FRMD4A: variants seen among roughly 807,000 people sequenced by gnomAD.
The protein encoded by FRMD4A is FERM domain-containing protein 4A.
In FRMD4A, 29 loss-of-function variants were observed where a neutral mutation model predicts 129.1. That is an observed-to-expected ratio of 0.22 (90% CI 0.17 to 0.31). The LOEUF (loss-of-function observed/expected upper bound fraction) is 0.31, where lower values mean the gene tolerates loss of function less well. Ranked by LOEUF, FRMD4A falls within the 10% of genes least tolerant of loss-of-function variation. The pLI is 1.00. For missense variants in FRMD4A, 1,272 were observed against 1,375.8 expected (o/e 0.92, Z 1.19); for synonymous variants, 634 against 571.6 (o/e 1.11, Z -1.56).
chr10:14,182,746 T>C (rs1051127180), intron 2 of FRMD4A, among the ~76,000 whole-genome samples: 15 of 152,168 alleles, frequency 9.9e-5, no homozygotes, highest in Non-Finnish European at 1.8e-4. Context: ...AGGTTACCAG[T>C]GTGAAGAGTA....
At chr10:14,289,624 A>G (rs1246841345) in intron 2 of FRMD4A, among the ~76,000 whole-genome samples, 1 of 152,140 alleles carries the variant, frequency 6.6e-6, no homozygotes, top group Non-Finnish European at 1.5e-5. Context: ...TTACCTCAAC[A>G]CAATAAAGTC....
At chr10:14,094,717 G>C (rs1425483329) in intron 2 of FRMD4A, among the ~76,000 whole-genome samples, 1 of 152,174 alleles carries the variant, frequency 6.6e-6, no homozygotes, top group East Asian at 1.9e-4. Flanking sequence ...ACTCTGTTCT[G>C]TCCAGGTTCT....
At chr10:14,268,287 C>T (rs1472537090) in intron 2 of FRMD4A, among the ~76,000 whole-genome samples, 1 of 152,162 alleles carries the variant, frequency 6.6e-6, no homozygotes, top group Non-Finnish European at 1.5e-5. Context: ...ATAAATGTTA[C>T]GTAGCAAAAG....
intron 15 of FRMD4A, chr10:13,692,668 G>C (rs1006717074): frequency 7.2e-5 from 11 of 152,146 alleles, no homozygotes; most frequent in African/African-American, 2.7e-4. Context: ...TCCTGGCTAT[G>C]ATTGGATCAC....
At chr10:13,763,136 C>T (rs1196940727) in intron 6 of FRMD4A, among the ~76,000 whole-genome samples, 1 of 152,140 alleles carries the variant, frequency 6.6e-6, no homozygotes, top group Admixed American at 6.5e-5. Context: ...CTGGGATGGA[C>T]TAGGGGACCT....
rs573272223 is a variant in FRMD4A, at chr10:13,942,769, C to T, written c.46-83857G>A. Reference sequence around the variant, plus strand: ...CCAACATGGTGAAACCCTGCCTCTACAAAAAATACAAAAATTAGCTGGGCG... The same window carrying T: ...CCAACATGGTGAAACCCTGCCTCTATAAAAAATACAAAAATTAGCTGGGCG... On this transcript the variant is annotated intron_variant, in intron 2 of 24. Coordinates refer to ENST00000357447, the MANE Select transcript of FRMD4A (RefSeq NM_018027.5). Among the ~76,000 whole-genome samples the T allele has an allele frequency of 5.9e-5, 9 of 151,952 alleles. 1 individual carries two copies. Among genetic ancestry groups the T allele is most frequent in the African/African-American group, 1.9e-4 (8 of 41,490 alleles).
intron 12 of FRMD4A, among the ~76,000 whole-genome samples, chr10:13,733,367 C>T (rs776979089): frequency 2.6e-5 from 4 of 152,178 alleles, no homozygotes; most frequent in Non-Finnish European, 5.9e-5. Flanking sequence ...GACATCTTAG[C>T]GGGGTGGGGG....
intron 2 of FRMD4A, among the ~76,000 whole-genome samples, chr10:14,119,599 T>G (rs1838386930): frequency 6.6e-6 from 1 of 152,164 alleles, no homozygotes; most frequent in African/African-American, 2.4e-5. Flanking sequence ...GCATGCAGAA[T>G]GTCAGGATCT....
At chr10:14,122,058 A>C (rs1186789083) in intron 2 of FRMD4A, among the ~76,000 whole-genome samples, 6 of 152,224 alleles carry the variant, frequency 3.9e-5, no homozygotes, top group Non-Finnish European at 7.3e-5. Context: ...TGTTAGAGAG[A>C]CTTAGGTTCT....
intron 2 of FRMD4A, among the ~76,000 whole-genome samples, chr10:14,238,329 ATGAGTCCAGGCC>A (rs1843905600): frequency 6.6e-6 from 1 of 152,194 alleles, no homozygotes; most frequent in Admixed American, 6.5e-5. Flanking sequence ...AGTCCAGGTA[ATGAGTCCAGGCC>A]TGAGTCTTAA....
intron 2 of FRMD4A, among the ~76,000 whole-genome samples, chr10:14,240,370 A>G (rs538819292): frequency 3.9e-5 from 6 of 152,136 alleles, no homozygotes; most frequent in Non-Finnish European, 8.8e-5. Flanking sequence ...TGGCATTCTC[A>G]GCACATGTGT....
At position 14,245,500 on chromosome 10, in the gene FRMD4A, G is replaced by T. The variant is rs1013596680; in HGVS notation, c.45+84558C>A. Among the ~76,000 whole-genome samples, 6 of 152,094 alleles carry T rather than the reference G, an allele frequency of 3.9e-5. No individual in the cohort carries two copies. In the East Asian group the frequency reaches 1.2e-3, roughly 29 times the overall value. On this transcript the variant is annotated intron_variant, in intron 2 of 24. Coordinates refer to ENST00000357447, the MANE Select transcript of FRMD4A (RefSeq NM_018027.5). ...CAGAAGCTGCTCAAGTCCTGTTGTG[G>T]GCTGAATTGTATCTCCCTTACCCCC... is the stretch of plus-strand genomic sequence containing the variant.
intron 2 of FRMD4A, among the ~76,000 whole-genome samples, chr10:13,868,657 G>C (rs548714854): frequency 1.3e-5 from 2 of 152,100 alleles, no homozygotes; most frequent in Non-Finnish European, 2.9e-5. Flanking sequence ...AAATTAGCAG[G>C]GCATGGCGGT....
Position 14,317,746 on chromosome 10 carries a change from A to G in FRMD4A, c.45+12312T>C, listed in dbSNP as rs535270761. ...AGGAGAAAGGAGAGGAGAAGACAAG[A>G]CAAGAGACGGAAAAAAAAAAAAAAA... On this transcript the variant is annotated intron_variant, in intron 2 of 24. Coordinates refer to ENST00000357447, the MANE Select transcript of FRMD4A (RefSeq NM_018027.5). Among the ~76,000 whole-genome samples, 3 of 117,098 alleles carry G rather than the reference A, an allele frequency of 2.6e-5. No individual in the cohort carries two copies. The South Asian group carries it at 9.4e-4, about 37-fold the overall frequency. 76.8% of individuals were successfully genotyped at this position (117,098 alleles called of 152,430 possible).
Position 14,057,995 on chromosome 10 carries a change from T to C in FRMD4A, c.46-199083A>G, listed in dbSNP as rs1834624168. ...TCACTCAGAAATAAAAAGAGAGCTC[T>C]GGTCAGGAAGTAATATATAGTTACA... On this transcript the variant is annotated intron_variant, in intron 2 of 24. Coordinates refer to ENST00000357447, the MANE Select transcript of FRMD4A (RefSeq NM_018027.5). Among the ~76,000 whole-genome samples the C allele has an allele frequency of 2.6e-5, 4 of 152,238 alleles. No homozygotes were observed. The South Asian group carries it at 8.3e-4, about 32-fold the overall frequency.
chr10:13,912,784 T>C (rs959177889), intron 2 of FRMD4A, among the ~76,000 whole-genome samples: 1 of 151,824 alleles, frequency 6.6e-6, no homozygotes, highest in Non-Finnish European at 1.5e-5. Context: ...CTGCCTAGAA[T>C]ATTATTTGGC....
At chr10:14,127,831 A>T (rs1245545753) in intron 2 of FRMD4A, among the ~76,000 whole-genome samples, 1 of 152,148 alleles carries the variant, frequency 6.6e-6, no homozygotes, top group Non-Finnish European at 1.5e-5. Flanking sequence ...TTCAAATTCC[A>T]TCACTCTGAA....
At chr10:13,829,192 T>G (rs2093751536) in intron 3 of FRMD4A, among the ~76,000 whole-genome samples, 1 of 152,140 alleles carries the variant, frequency 6.6e-6, no homozygotes, top group African/African-American at 2.4e-5. Flanking sequence ...GGAATAGGAT[T>G]TTAGCAGGAG....
intron 6 of FRMD4A, among the ~76,000 whole-genome samples, chr10:13,780,807 A>G (rs933088546): frequency 3.3e-5 from 5 of 152,186 alleles, no homozygotes; most frequent in African/African-American, 1.2e-4. Flanking sequence ...AAATAGAAGT[A>G]CCCTATGATC....
Sources: allele counts gnomAD v4.1 joint callset (sites outside exome capture counted in the v4.1 genomes callset), GRCh38; gene constraint gnomAD v4.1.1; transcripts MANE v1.5; gene names NCBI Gene and HGNC (gene_info 2026-07-23, HGNC 2026-07-21).